PREX2: variants seen among roughly 807,000 people sequenced by gnomAD.
The protein encoded by PREX2 is phosphatidylinositol-3,4,5-trisphosphate dependent Rac exchange factor 2.
Under a neutral mutation model 203.2 loss-of-function variants are expected in PREX2, and 107 were observed. The observed-to-expected ratio is 0.53, with a 90% CI of 0.45 to 0.62. The LOEUF (loss-of-function observed/expected upper bound fraction) is 0.62. PREX2 is among the 20% of genes least tolerant of loss of function. The pLI, the probability that PREX2 is intolerant of heterozygous loss-of-function variation, is 0.00. For synonymous variants in PREX2, 672 were observed against 663.6 expected, an observed-to-expected ratio of 1.01 and a Z score of -0.19; for missense variants, 1,777 against 1,955.9, an observed-to-expected ratio of 0.91 and a Z score of 1.72.
chr8:67,983,239 G>T (rs1272336512), intron 1 of PREX2, among the ~76,000 whole-genome samples: 1 of 133,110 alleles, frequency 7.5e-6, no homozygotes, highest in East Asian at 2.4e-4. Flanking sequence ...GATGATGATG[G>T]ATCAATGGTG....
intron 1 of PREX2, among the ~76,000 whole-genome samples, chr8:67,983,517 A>G (rs754417303): frequency 6.6e-6 from 1 of 152,182 alleles, no homozygotes; most frequent in Non-Finnish European, 1.5e-5. Context: ...CAACTGTGCC[A>G]TGATAGTGAA....
At chr8:67,975,903 A>G (rs1664669381) in intron 1 of PREX2, among the ~76,000 whole-genome samples, 1 of 145,518 alleles carries the variant, frequency 6.9e-6, no homozygotes, top group Non-Finnish European at 1.5e-5. Context: ...TTTGGTAGAG[A>G]CGGGGTTTCA....
chr8:68,146,312 T>G lies in PREX2; in HGVS notation c.4191T>G (p.Asn1397Lys). The change falls in exon 34 of 40, where the codon AAT becomes AAG. Residue 1397 changes from asparagine to lysine, a missense_variant. Transcript: ENST00000288368. Reference protein sequence around the residue: ...HFEQLPQRLKNGGGFKIHPVL... With the variant: ...HFEQLPQRLKKGGGFKIHPVL... The stretch of plus-strand genomic sequence containing the variant: ...AACAACTTCCTCAACGGCTGAAAAA[T>G]GGAGGAGGGTTTAAAATTCATCCTG... The G allele has an allele frequency of 6.2e-7, 1 of 1,612,926 alleles. No homozygotes were observed. The highest frequency in any genetic ancestry group is 8.5e-7 in the Non-Finnish European group (1 of 1,179,486).
At chr8:68,155,346 C>T (rs1174689821) in intron 34 of PREX2, among the ~76,000 whole-genome samples, 1 of 152,042 alleles carries the variant, frequency 6.6e-6, no homozygotes, top group Non-Finnish European at 1.5e-5. Context: ...ATGTTTTCTC[C>T]CTAATCTTCC....
intron 15 of PREX2, among the ~76,000 whole-genome samples, chr8:68,079,687 G>A (rs1311922534): frequency 6.6e-6 from 1 of 152,088 alleles, no homozygotes; most frequent in East Asian, 1.9e-4. Flanking sequence ...CAGCTGTCAG[G>A]ATCTCACTGA....
chr8:68,121,904 A>G (rs1810781684), intron 30 of PREX2, among the ~76,000 whole-genome samples: 1 of 152,182 alleles, frequency 6.6e-6, no homozygotes, highest in African/African-American at 2.4e-5. Context: ...GCTAAGGTCG[A>G]GAAACCCACA....
At chr8:68,124,670 TA>T (rs777905617) in intron 30 of PREX2, among the ~76,000 whole-genome samples, 1 of 152,170 alleles carries the variant, frequency 6.6e-6, no homozygotes, top group Non-Finnish European at 1.5e-5. Context: ...TAATGCAGGA[TA>T]AAAAGTTTAA....
chr8:67,978,245 T>A (rs1303032183), intron 1 of PREX2, among the ~76,000 whole-genome samples: 2 of 152,094 alleles, frequency 1.3e-5, no homozygotes, highest in East Asian at 1.9e-4. Context: ...AAGCCTTCTG[T>A]GTTGTGAGAG....
At chr8:67,998,648 G>A (rs1057016879) in intron 1 of PREX2, among the ~76,000 whole-genome samples, 1 of 152,140 alleles carries the variant, frequency 6.6e-6, no homozygotes, top group Admixed American at 6.5e-5. Flanking sequence ...CATACCTATA[G>A]TACTAAGTAC....
chr8:68,110,275 T>C (rs1029738349), intron 25 of PREX2, among the ~76,000 whole-genome samples: 3 of 152,208 alleles, frequency 2.0e-5, no homozygotes. Context: ...TGTCATATCA[T>C]GGTATAGGAC....
In PREX2 at chr8:68,038,706, C is replaced by T. The variant is rs138102828; in HGVS notation, c.839+414C>T. Among the ~76,000 whole-genome samples the T allele has an allele frequency of 3.4e-3, 521 of 152,240 alleles. 4 individuals are homozygous for T. Among genetic ancestry groups the T allele is most frequent in the African/African-American group, 0.012 (505 of 41,540 alleles). ...GCCATGAGTCTTTCCTCTCCACTAC[C>T]TTTCCCTCATCTCCCCTTTATAGAA... On this transcript the variant is annotated intron_variant, in intron 7 of 39. Transcript: ENST00000288368.
At position 68,217,627 on chromosome 8, in the gene PREX2, G is replaced by A; in HGVS notation, c.4616G>A (p.Ser1539Asn). The A allele has an allele frequency of 6.2e-7, 1 of 1,614,068 alleles. No homozygotes were observed. Among genetic ancestry groups the A allele is most frequent in the South Asian group, 1.1e-5 (1 of 91,074 alleles). ...GCCTTGGCCCACAGGTGCACCCTGA[G>A]CGTGACGCTGGAGCAAGCCATCATT... ...CSSGVHRCTL[S>N]VTLEQAIILA... Residue 1539 changes from serine (S) to asparagine (N), a missense_variant, in exon 38 of 40, where the codon AGC becomes AAC. Transcript: ENST00000288368.
chr8:68,044,443 C>G (rs370219518), intron 7 of PREX2, 44 bp from the exon 8 acceptor site: 14 of 1,351,204 alleles, frequency 1.0e-5, no homozygotes, highest in Middle Eastern at 3.6e-4. Flanking sequence ...CATTGTTTTA[C>G]ATTGTTTAGT....
chr8:68,138,711 T>A (rs565579387), intron 33 of PREX2, among the ~76,000 whole-genome samples, 194 bp downstream of exon 33: 1 of 152,202 alleles, frequency 6.6e-6, no homozygotes, highest in Non-Finnish European at 1.5e-5. Flanking sequence ...AGTAGCAATA[T>A]GTATGGTTTA....
At chr8:68,049,755 C>G (rs1166542668) in intron 8 of PREX2, among the ~76,000 whole-genome samples, 1 of 151,950 alleles carries the variant, frequency 6.6e-6, no homozygotes, top group Non-Finnish European at 1.5e-5. Context: ...AATTATTTTT[C>G]CATTTAAATT....
chr8:68,094,386 G>T (rs908834188), intron 21 of PREX2, among the ~76,000 whole-genome samples: 45 of 152,204 alleles, frequency 3.0e-4, no homozygotes, highest in African/African-American at 9.9e-4. Context: ...GGGAGAGAGA[G>T]ATCTTTTGAT....
At chr8:67,958,267 A>T (rs554845522) in intron 1 of PREX2, among the ~76,000 whole-genome samples, 10 of 152,310 alleles carry the variant, frequency 6.6e-5, no homozygotes, top group African/African-American at 2.4e-4. Context: ...GGCAGTAGAG[A>T]TTCTTTCAGT....
chr8:68,084,165 C>A (rs1379898703), intron 18 of PREX2, among the ~76,000 whole-genome samples: 1 of 152,042 alleles, frequency 6.6e-6, no homozygotes, highest in Non-Finnish European at 1.5e-5. Flanking sequence ...TTAGTATTTC[C>A]TTATCATATT....
chr8:68,218,485 AC>A (rs1195342342), intron 38 of PREX2, among the ~76,000 whole-genome samples: 1 of 152,116 alleles, frequency 6.6e-6, no homozygotes, highest in African/African-American at 2.4e-5. Flanking sequence ...TTATTCTACC[AC>A]CTTTTCTTTG....
Sources: gnomAD v4.1 joint callset for allele counts (sites outside exome capture counted in the v4.1 genomes callset) on GRCh38, gnomAD v4.1.1 for gene constraint, MANE v1.5 for transcripts, NCBI Gene and HGNC (gene_info 2026-07-23, HGNC 2026-07-21) for gene names.